The following ATG10 variants were observed in gnomAD, a reference collection of about 807,000 sequenced individuals.
The protein encoded by ATG10 is ubiquitin-like-conjugating enzyme ATG10.
ATG10 carries 30 observed loss-of-function variants against 32.1 expected under a neutral mutation model. That is an observed-to-expected ratio of 0.94 (90% CI 0.70 to 1.27). The LOEUF (loss-of-function observed/expected upper bound fraction) is 1.27. Among genes scored for constraint, ATG10 ranks in the 50% most tolerant of loss-of-function variants. ATG10 has a pLI of 0.00. For synonymous variants in ATG10, 87 were observed against 91.5 expected, an observed-to-expected ratio of 0.95 and a Z score of 0.28; for missense variants, 233 against 262.3, an observed-to-expected ratio of 0.89 and a Z score of 0.77.
intron 2 of ATG10, among the ~76,000 whole-genome samples, chr5:82,025,487 A>C (rs930684118): frequency 6.6e-6 from 1 of 152,192 alleles, no homozygotes; most frequent in Non-Finnish European, 1.5e-5. Flanking sequence ...AGATTTACCC[A>C]GATGATTGTC....
At chr5:82,012,346 A>G (rs186780454) in intron 2 of ATG10, among the ~76,000 whole-genome samples, 4 of 152,316 alleles carry the variant, frequency 2.6e-5, no homozygotes, top group Admixed American at 2.6e-4. Context: ...CCGAGGCCAC[A>G]TGGTTTTAAT....
Position 82,211,176 on chromosome 5 carries a change from G to C in ATG10, c.453+32589G>C, listed in dbSNP as rs75822503. Among the ~76,000 whole-genome samples the C allele has an allele frequency of 1.8e-4, 27 of 152,270 alleles. No homozygotes were observed. The East Asian group carries it at 5.0e-3, about 28-fold the overall frequency. ...GAATCGACTTCTTTCCATAGTGCAT[G>C]ATGGGATTCTAAAATCTTATGTCCA... On this transcript the variant is annotated intron_variant, in intron 5 of 7. Transcript: ENST00000282185.
chr5:82,037,208 C>A (rs1358468188), intron 2 of ATG10, among the ~76,000 whole-genome samples: 3 of 132,838 alleles, frequency 2.3e-5, no homozygotes, highest in African/African-American at 8.3e-5. Context: ...GCAGTTTTAT[C>A]ACTTTTTGTA....
intron 2 of ATG10, among the ~76,000 whole-genome samples, chr5:82,021,691 G>T (rs1476577269): frequency 6.6e-6 from 1 of 151,840 alleles, no homozygotes; most frequent in Non-Finnish European, 1.5e-5. Context: ...GACCAGCCTG[G>T]CCAACATGGT....
At chr5:82,164,622 GA>G (rs1194841636) in intron 4 of ATG10, 85 bp downstream of exon 4, 114 of 1,327,762 alleles carry the variant, frequency 8.6e-5, no homozygotes, top group East Asian at 1.4e-4. Flanking sequence ...TTCTCCAGAG[GA>G]AAAAAAATAG....
At chr5:82,166,478 G>A (rs1327833533) in intron 4 of ATG10, among the ~76,000 whole-genome samples, 1 of 152,126 alleles carries the variant, frequency 6.6e-6, no homozygotes, top group Non-Finnish European at 1.5e-5. Flanking sequence ...TTCTGGTGGA[G>A]AAACATGAAG....
intron 3 of ATG10, among the ~76,000 whole-genome samples, chr5:82,068,999 T>C (rs1272356692): frequency 6.6e-6 from 1 of 151,666 alleles, no homozygotes; most frequent in African/African-American, 2.4e-5. Context: ...ACAGTAAGAT[T>C]TGATCTCACA....
At chr5:82,022,082 G>C (rs1464453761) in intron 2 of ATG10, among the ~76,000 whole-genome samples, 1 of 149,244 alleles carries the variant, frequency 6.7e-6, no homozygotes, top group Non-Finnish European at 1.5e-5. Context: ...CCAGCTGCTC[G>C]GGAGGCTGAG....
chr5:82,070,871 A>G (rs1218879358), intron 3 of ATG10, among the ~76,000 whole-genome samples: 2 of 152,160 alleles, frequency 1.3e-5, no homozygotes, highest in Admixed American at 6.6e-5. Flanking sequence ...TTCTACCAAA[A>G]TCAAGCTATG....
intron 3 of ATG10, among the ~76,000 whole-genome samples, chr5:82,085,234 A>G (rs1764636796): frequency 6.6e-6 from 1 of 150,850 alleles, no homozygotes. Context: ...AGAGACAAAG[A>G]AGGCCATTAC....
At chr5:82,174,512 A>G (rs1743934067) in intron 4 of ATG10, among the ~76,000 whole-genome samples, 1 of 152,214 alleles carries the variant, frequency 6.6e-6, no homozygotes, top group Admixed American at 6.5e-5. Flanking sequence ...TTGTTTGGCG[A>G]CAACAAAATC....
At chr5:82,111,077 G>A (rs1439771705) in intron 3 of ATG10, among the ~76,000 whole-genome samples, 1 of 151,864 alleles carries the variant, frequency 6.6e-6, no homozygotes, top group Non-Finnish European at 1.5e-5. Context: ...GATCTGTTTT[G>A]AAAGATGCTT....
At chr5:82,139,847 T>G (rs1225251073) in intron 3 of ATG10, among the ~76,000 whole-genome samples, 1 of 107,878 alleles carries the variant, frequency 9.3e-6, no homozygotes, top group Non-Finnish European at 1.9e-5. Flanking sequence ...GATGGGGGGG[T>G]CAGCCCCCCC....
chr5:82,240,877 G>A (rs934290726), intron 5 of ATG10, among the ~76,000 whole-genome samples: 1 of 151,868 alleles, frequency 6.6e-6, no homozygotes, highest in South Asian at 2.1e-4. Context: ...ACATTGCCAA[G>A]TCATCATGAA....
chr5:82,014,818 C>T (rs1186679784), intron 2 of ATG10, among the ~76,000 whole-genome samples: 1 of 152,148 alleles, frequency 6.6e-6, no homozygotes, highest in Non-Finnish European at 1.5e-5. Context: ...GAGCATTTAG[C>T]CCATTTACAT....
At chr5:82,058,473 A>G in intron 2 of ATG10, 22 bp from the exon 3 acceptor site, 1 of 1,526,052 alleles carries the variant, frequency 6.6e-7, no homozygotes, top group Non-Finnish European at 9.0e-7. Context: ...TTTCTTATAT[A>G]TTTTTTGGTG....
intron 4 of ATG10, among the ~76,000 whole-genome samples, chr5:82,174,280 ATTG>A (rs1391597301): frequency 6.6e-6 from 1 of 152,212 alleles, no homozygotes; most frequent in Non-Finnish European, 1.5e-5. Context: ...TCATTAAGTC[ATTG>A]TTGTCATAGA....
chr5:82,090,047 C>G (rs767143288), intron 3 of ATG10, among the ~76,000 whole-genome samples: 2 of 147,232 alleles, frequency 1.4e-5, no homozygotes, highest in Non-Finnish European at 3.0e-5. Context: ...TCACTACACA[C>G]CTATCCAAAT....
intron 1 of ATG10, among the ~76,000 whole-genome samples, chr5:81,975,682 CAAAAA>C: frequency 7.0e-6 from 1 of 143,528 alleles, no homozygotes; most frequent in South Asian, 2.2e-4. Context: ...ACCCCCCTCT[CAAAAA>C]AAAAAAGTGT....
Sources: gnomAD v4.1 joint callset for allele counts (sites outside exome capture counted in the v4.1 genomes callset) on GRCh38, gnomAD v4.1.1 for gene constraint, MANE v1.5 for transcripts, NCBI Gene and HGNC (gene_info 2026-07-23, HGNC 2026-07-21) for gene names.